PDE10A: variants seen among roughly 807,000 people sequenced by gnomAD.
PDE10A encodes phosphodiesterase 10A.
A neutral mutation model predicts 97.7 loss-of-function variants in PDE10A; 39 were observed. That is an observed-to-expected ratio of 0.40 (90% CI 0.31 to 0.52). The LOEUF (loss-of-function observed/expected upper bound fraction) is 0.52. PDE10A is among the 20% of genes least tolerant of loss of function. The probability of loss-of-function intolerance (pLI) is 0.56; values close to 1 mark genes in which losing one functional copy is unlikely to be tolerated. For missense variants in PDE10A, 731 were observed against 1,047.8 expected (o/e 0.70, Z 4.17); for synonymous variants, 371 against 376.8 (o/e 0.98, Z 0.18).
At chr6:165,782,119 A>G (rs1336053003) in intron 1 of PDE10A, among the ~76,000 whole-genome samples, 1 of 152,244 alleles carries the variant, frequency 6.6e-6, no homozygotes, top group African/African-American at 2.4e-5. Context: ...AAGTATGTTC[A>G]CCTTGAATTC....
intron 1 of PDE10A, among the ~76,000 whole-genome samples, chr6:165,772,356 G>C (rs367554259): frequency 6.6e-6 from 1 of 152,144 alleles, no homozygotes; most frequent in Non-Finnish European, 1.5e-5. Flanking sequence ...GGCTTATAAA[G>C]TCCTAAAACA....
chr6:165,847,981 T>C (rs886523328), intron 1 of PDE10A, among the ~76,000 whole-genome samples: 5 of 152,192 alleles, frequency 3.3e-5, no homozygotes, highest in Non-Finnish European at 5.9e-5. Flanking sequence ...TCAGAAGGGA[T>C]GTACAGTGCC....
rs775263303 is a variant in PDE10A at position 165,423,192 on chromosome 6, A to G, written c.1654-4415T>C. On this transcript the variant is annotated intron_variant, in intron 10 of 21. Transcript: ENST00000539869. Reference sequence around the variant, plus strand: ...ATTATTTGAGCCCCCATGTCCGCTAATTATATAAGCCTGAACATTCAATGG... The same window carrying G: ...ATTATTTGAGCCCCCATGTCCGCTAGTTATATAAGCCTGAACATTCAATGG... Among the ~76,000 whole-genome samples the G allele has an allele frequency of 2.0e-5, 3 of 152,208 alleles. 1 individual carries two copies. The highest frequency in any genetic ancestry group is 4.8e-5 in the African/African-American group (2 of 41,446).
Position 165,436,246 on chromosome 6 carries a change from A to C in PDE10A, c.1195-869T>G, listed in dbSNP as rs551997408. Reference sequence around the variant, plus strand: ...ACAAAGAATGAAGACTACTTGAAGCAATAAGTATTAGACAGCCCTCTTAAC... The same window carrying C: ...ACAAAGAATGAAGACTACTTGAAGCCATAAGTATTAGACAGCCCTCTTAAC... On this transcript the variant is annotated intron_variant, in intron 5 of 21. Coordinates refer to ENST00000539869, the MANE Select transcript of PDE10A (RefSeq NM_001385079.1). Among the ~76,000 whole-genome samples, 46 of 152,328 alleles carry C rather than the reference A, an allele frequency of 3.0e-4. No homozygotes were observed. The East Asian group carries it at 6.2e-3, about 20-fold the overall frequency.
rs1009954114 is a variant in PDE10A at position 165,424,095 on chromosome 6, C to G, written c.1653+4563G>C. 5.9e-5 allele frequency among the ~76,000 whole-genome samples: 9 copies of G among 152,226 alleles called. No individual in the cohort carries two copies. In the South Asian group the frequency reaches 1.9e-3, roughly 32 times the overall value. On this transcript the variant is annotated intron_variant, in intron 10 of 21. Transcript: ENST00000539869. ...TCTACACAGGAGCACACTGTTCCCC[C>G]ATCCCCCAAAGTAGAACCCTCTTTC... is the stretch of plus-strand genomic sequence containing the variant.
chr6:165,849,822 G>GA (rs34471380), intron 1 of PDE10A, among the ~76,000 whole-genome samples: 92,787 of 151,282 alleles, frequency 0.61, 28,651 homozygotes, highest in Admixed American at 0.7. Context: ...GGTGTTTTAG[G>GA]AAAAAAAAAT....
intron 1 of PDE10A, among the ~76,000 whole-genome samples, chr6:165,938,292 GT>G (rs1009268519): frequency 2.0e-5 from 3 of 152,226 alleles, no homozygotes; most frequent in African/African-American, 7.2e-5. Context: ...GTAGCGTGGA[GT>G]CCATTGACAA....
intron 1 of PDE10A, among the ~76,000 whole-genome samples, chr6:165,912,610 C>A (rs1782494097): frequency 6.6e-6 from 1 of 152,180 alleles, no homozygotes; most frequent in Non-Finnish European, 1.5e-5. Flanking sequence ...AGTCGTGAGA[C>A]TGCTGTGATG....
At chr6:165,935,279 G>A (rs553350384) in intron 1 of PDE10A, among the ~76,000 whole-genome samples, 2 of 152,244 alleles carry the variant, frequency 1.3e-5, no homozygotes, top group South Asian at 4.1e-4. Context: ...AATAGAAGTA[G>A]GACAAAGTGA....
At chr6:165,756,136 CATTTGATAAAAATT>C (rs1793112551) in intron 1 of PDE10A, among the ~76,000 whole-genome samples, 1 of 152,122 alleles carries the variant, frequency 6.6e-6, no homozygotes, top group Admixed American at 6.5e-5. Flanking sequence ...TCACAAAAAT[CATTTGATAAAAATT>C]ATTTGACAAA....
chr6:165,973,299 A>G (rs988674553), intron 1 of PDE10A, among the ~76,000 whole-genome samples: 1 of 152,080 alleles, frequency 6.6e-6, no homozygotes, highest in Non-Finnish European at 1.5e-5. Flanking sequence ...GGTGCCCGTA[A>G]TCCCAGCTAC....
At chr6:165,700,460 T>C (rs1217821299) in intron 1 of PDE10A, among the ~76,000 whole-genome samples, 2 of 152,236 alleles carry the variant, frequency 1.3e-5, no homozygotes, top group African/African-American at 4.8e-5. Context: ...GCGAATTACA[T>C]GGTGTGTGAA....
intron 1 of PDE10A, among the ~76,000 whole-genome samples, chr6:165,652,657 C>T (rs1020357365): frequency 6.6e-6 from 1 of 152,180 alleles, no homozygotes; most frequent in South Asian, 2.1e-4. Flanking sequence ...TGCAACTCTG[C>T]AGTTACCTGT....
intron 1 of PDE10A, among the ~76,000 whole-genome samples, chr6:165,644,636 G>A (rs1180748758): frequency 7.2e-5 from 11 of 152,168 alleles, no homozygotes; most frequent in Non-Finnish European, 1.6e-4. Flanking sequence ...CAACATATAC[G>A]TATATTGAAA....
chr6:165,413,642 G>A lies in PDE10A; in HGVS notation c.1935C>T (p.Cys645=). ...YTGYTTRNIL[C]MPIVSRGSVI... ...CGCTGCCTCGGCTGACGATGGGCATGCACAGGATGTTCCGCGTGGTGTAGC... is the reference window on the plus strand; with the variant it reads ...CGCTGCCTCGGCTGACGATGGGCATACACAGGATGTTCCGCGTGGTGTAGC... Residue 645 remains cysteine, a synonymous_variant, in exon 13 of 22, where the codon TGC becomes TGT. Coordinates refer to ENST00000539869, the MANE Select transcript of PDE10A (RefSeq NM_001385079.1). 6.2e-7 allele frequency: 1 copy of A among 1,614,182 alleles called. No homozygotes were observed. The highest frequency in any genetic ancestry group is 8.5e-7 in the Non-Finnish European group (1 of 1,180,016).
chr6:165,892,672 C>T (rs541446507), intron 1 of PDE10A, among the ~76,000 whole-genome samples: 27 of 152,340 alleles, frequency 1.8e-4, no homozygotes, highest in Admixed American at 1.1e-3. Flanking sequence ...TCTCCCTCCC[C>T]GGCCCTGACC....
intron 1 of PDE10A, among the ~76,000 whole-genome samples, chr6:165,619,089 CTAGTG>C (rs1787883147): frequency 1.8e-5 from 1 of 54,398 alleles, no homozygotes; most frequent in Non-Finnish European, 3.7e-5. Flanking sequence ...CTAGTGTAGT[CTAGTG>C]TAGTGTAGTC....
At chr6:165,791,738 C>G (rs772122421) in intron 1 of PDE10A, among the ~76,000 whole-genome samples, 1 of 152,182 alleles carries the variant, frequency 6.6e-6, no homozygotes, top group Non-Finnish European at 1.5e-5. Flanking sequence ...GAGTCTCCGG[C>G]CAGGTCAGCT....
intron 13 of PDE10A, among the ~76,000 whole-genome samples, chr6:165,399,296 T>C (rs1373976452): frequency 3.3e-5 from 5 of 152,196 alleles, no homozygotes; most frequent in Admixed American, 1.3e-4. Flanking sequence ...AAAATCCCAG[T>C]AGGCTTTTCT....
Sources: gnomAD v4.1 joint callset for allele counts (sites outside exome capture counted in the v4.1 genomes callset) on GRCh38, gnomAD v4.1.1 for gene constraint, MANE v1.5 for transcripts, NCBI Gene and HGNC (gene_info 2026-07-23, HGNC 2026-07-21) for gene names.